Variants in PTCHD4 observed in about 807,000 individuals in gnomAD.
PTCHD4 encodes patched domain containing 4, also known as patched domain-containing protein 4.
PTCHD4 carries 33 observed loss-of-function variants against 58.1 expected under a neutral mutation model. That is an observed-to-expected ratio of 0.57 (90% CI 0.43 to 0.76). PTCHD4 has a LOEUF of 0.76. Among genes scored for constraint, PTCHD4 ranks in the 30% least tolerant of loss-of-function variants. The pLI is 0.00. For synonymous variants in PTCHD4, 478 were observed against 409.6 expected (o/e 1.17, Z -2.02); for missense variants, 1,058 against 1,027.1 (o/e 1.03, Z -0.41).
At chr6:48,044,773 A>G (rs1020422039) in intron 3 of PTCHD4, among the ~76,000 whole-genome samples, 1 of 151,844 alleles carries the variant, frequency 6.6e-6, no homozygotes, top group African/African-American at 2.4e-5. Flanking sequence ...ATAAGATAGG[A>G]ATTTTGAGGT....
At chr6:47,905,268 A>G (rs899451043) in intron 4 of PTCHD4, among the ~76,000 whole-genome samples, 3 of 152,142 alleles carry the variant, frequency 2.0e-5, no homozygotes, top group African/African-American at 7.2e-5. Context: ...TTTATATACC[A>G]CTCTGGCTGC....
At chr6:47,994,995 C>A (rs1011300446) in intron 4 of PTCHD4, among the ~76,000 whole-genome samples, 2 of 152,052 alleles carry the variant, frequency 1.3e-5, no homozygotes, top group African/African-American at 4.8e-5. Context: ...TAGGGAAGAA[C>A]CTCAAACAGT....
chr6:47,973,690 T>A (rs564971067), intron 4 of PTCHD4, among the ~76,000 whole-genome samples: 11 of 152,316 alleles, frequency 7.2e-5, no homozygotes, highest in Non-Finnish European at 1.6e-4. Flanking sequence ...TTTAGTACTT[T>A]AACCACTACT....
chr6:48,042,598 G>A (rs1392586279), intron 3 of PTCHD4, among the ~76,000 whole-genome samples: 2 of 151,806 alleles, frequency 1.3e-5, no homozygotes, highest in Non-Finnish European at 2.9e-5. Flanking sequence ...ACAGAGAAAC[G>A]GATCAGAATG....
chr6:47,961,560 C>A (rs1410911338), intron 4 of PTCHD4, among the ~76,000 whole-genome samples: 1 of 152,028 alleles, frequency 6.6e-6, no homozygotes, highest in Non-Finnish European at 1.5e-5. Flanking sequence ...TCCCAAAATG[C>A]TGAGATTACA....
intron 4 of PTCHD4, among the ~76,000 whole-genome samples, chr6:47,942,628 C>A (rs79921576): frequency 0.048 from 7,310 of 152,174 alleles, 207 homozygotes; most frequent in African/African-American, 0.063. Flanking sequence ...CAGAGCAAGA[C>A]CCTGTCTCAA....
chr6:48,096,910 A>G (rs536667222), intron 1 of PTCHD4, among the ~76,000 whole-genome samples: 1 of 152,284 alleles, frequency 6.6e-6, no homozygotes, highest in Admixed American at 6.5e-5. Context: ...GACTGTTTCA[A>G]CTGAAAATTT....
Position 48,069,830 on chromosome 6 carries a change from C to G in PTCHD4, c.-873G>C, listed in dbSNP as rs1035053687. Among the ~76,000 whole-genome samples the G allele has an allele frequency of 5.9e-5, 9 of 152,132 alleles. No homozygotes were observed. Among genetic ancestry groups the G allele is most frequent in the Non-Finnish European group, 1.2e-4 (8 of 68,024 alleles). On this transcript the variant is annotated 5_prime_UTR_variant, in exon 2 of 5. Transcript: ENST00000339488. ...TCCAGTGTCTCCTTCCACCCCTCAC[C>G]CATGAGGACTGTTTCAAGCCATCTG...
At chr6:48,023,169 C>T (rs965670837) in intron 3 of PTCHD4, among the ~76,000 whole-genome samples, 7 of 152,140 alleles carry the variant, frequency 4.6e-5, no homozygotes, top group African/African-American at 1.7e-4. Flanking sequence ...GACTTCTTTA[C>T]GTGTGTTTTT....
Position 48,073,541 on chromosome 6 carries a change from C to T in PTCHD4, c.-969-3615G>A, listed in dbSNP as rs115904222. On this transcript the variant is annotated intron_variant, in intron 1 of 4. Coordinates refer to ENST00000339488, the MANE Select transcript of PTCHD4 (RefSeq NM_001384253.1). Reference sequence around the variant, plus strand: ...TTCTAACCATTCTAACATGCTAAGCCTCCAAAGCTCAGTGGAATAAAACAA... The same window carrying T: ...TTCTAACCATTCTAACATGCTAAGCTTCCAAAGCTCAGTGGAATAAAACAA... 4.7e-3 allele frequency among the ~76,000 whole-genome samples: 722 copies of T among 152,298 alleles called. 6 individuals carry two copies. Among genetic ancestry groups the T allele is most frequent in the African/African-American group, 0.016 (651 of 41,562 alleles).
At chr6:47,947,152 A>G (rs1462648782) in intron 4 of PTCHD4, among the ~76,000 whole-genome samples, 1 of 151,944 alleles carries the variant, frequency 6.6e-6, no homozygotes, top group Non-Finnish European at 1.5e-5. Flanking sequence ...TTTATTTTTA[A>G]TGGGTACTCT....
At chr6:48,052,027 C>T (rs1562027946) in intron 3 of PTCHD4, among the ~76,000 whole-genome samples, 1 of 152,036 alleles carries the variant, frequency 6.6e-6, no homozygotes, top group South Asian at 2.1e-4. Context: ...TGACTTATCT[C>T]TATAACCCCA....
intron 4 of PTCHD4, among the ~76,000 whole-genome samples, chr6:47,973,762 T>A (rs747398269): frequency 3.3e-5 from 5 of 152,264 alleles, no homozygotes; most frequent in African/African-American, 4.8e-5. Flanking sequence ...TATAGTATCT[T>A]ACGTTTATAC....
At chr6:48,090,441 C>G (rs375404052) in intron 1 of PTCHD4, among the ~76,000 whole-genome samples, 1 of 152,134 alleles carries the variant, frequency 6.6e-6, no homozygotes, top group Non-Finnish European at 1.5e-5. Context: ...GTTTCTAATG[C>G]TCACAACAAC....
chr6:48,023,290 C>A (rs1223494583), intron 3 of PTCHD4, among the ~76,000 whole-genome samples: 1 of 151,940 alleles, frequency 6.6e-6, no homozygotes, highest in Non-Finnish European at 1.5e-5. Context: ...TTAATAAGTC[C>A]AGTGGTAGTA....
At position 47,939,658 on chromosome 6, in the gene PTCHD4, T is replaced by A. The variant is rs113463180; in HGVS notation, c.899-59722A>T. ...CTTGCACCAGTTGGTTACCTTTGTGTATCTGTTTCCTCATCTCTAAAGTAG... is the reference window on the plus strand; with the variant it reads ...CTTGCACCAGTTGGTTACCTTTGTGAATCTGTTTCCTCATCTCTAAAGTAG... On this transcript the variant is annotated intron_variant, in intron 4 of 4. Transcript: ENST00000339488. Among the ~76,000 whole-genome samples the A allele has an allele frequency of 3.3e-3, 501 of 152,250 alleles. 8 individuals carry two copies. The highest frequency in any genetic ancestry group is 0.011 in the African/African-American group (465 of 41,508).
intron 4 of PTCHD4, among the ~76,000 whole-genome samples, chr6:47,903,526 G>C (rs9369754): frequency 0.59 from 90,083 of 151,882 alleles, 27,521 homozygotes; most frequent in East Asian, 0.78. Flanking sequence ...TGTTGCCTAG[G>C]CTAGTCTCAA....
Position 47,868,111 on chromosome 6 carries a change from A to T in PTCHD4, c.*10192T>A, listed in dbSNP as rs1024195587. ...CTAAGCTAATGAACAGAAACTAAATAAAAAAAAGGTTTCAGTTCAGTTGTT... is the reference window on the plus strand; with the variant it reads ...CTAAGCTAATGAACAGAAACTAAATTAAAAAAAGGTTTCAGTTCAGTTGTT... On this transcript the variant is annotated 3_prime_UTR_variant, in exon 5 of 5. Coordinates refer to ENST00000339488, the MANE Select transcript of PTCHD4 (RefSeq NM_001384253.1). Among the ~76,000 whole-genome samples, 7 of 151,622 alleles carry T rather than the reference A, an allele frequency of 4.6e-5. No homozygotes were observed. The highest frequency in any genetic ancestry group is 6.8e-3 in the Middle Eastern group (2 of 294).
Position 48,104,234 on chromosome 6 carries a change from C to A in PTCHD4, c.-970+6815G>T, listed in dbSNP as rs187424047. Among the ~76,000 whole-genome samples, 263 of 152,312 alleles carry A rather than the reference C, an allele frequency of 1.7e-3. 1 individual carries two copies. Among genetic ancestry groups the A allele is most frequent in the African/African-American group, 5.9e-3 (247 of 41,556 alleles). On this transcript the variant is annotated intron_variant, in intron 1 of 4. Transcript: ENST00000339488. ...GGGTTACCCACAAAGGGAAGCCCAT[C>A]AGACTAACAGCTGATCTCTCGGCAG...
Sources: gnomAD v4.1 joint callset for allele counts (sites outside exome capture counted in the v4.1 genomes callset) on GRCh38, gnomAD v4.1.1 for gene constraint, MANE v1.5 for transcripts, NCBI Gene and HGNC (gene_info 2026-07-23, HGNC 2026-07-21) for gene names.